Variants in PARN observed in about 807,000 individuals in gnomAD.
PARN encodes the protein poly(A)-specific ribonuclease PARN.
PARN carries 71 observed loss-of-function variants against 102.8 expected under a neutral mutation model. That is an observed-to-expected ratio of 0.69 (90% confidence interval 0.57 to 0.84). The LOEUF (loss-of-function observed/expected upper bound fraction) is 0.84, where lower values mean the gene tolerates loss of function less well. Among genes scored for constraint, PARN ranks in the 40% least tolerant of loss-of-function variants. The pLI is 0.00. For missense variants in PARN, 782 were observed against 760.9 expected (o/e 1.03, Z -0.33); for synonymous variants, 261 against 252.9 (o/e 1.03, Z -0.30).
chr16:14,443,651 A>T (rs930951530), intron 23 of PARN, among the ~76,000 whole-genome samples: 2 of 152,186 alleles, frequency 1.3e-5, no homozygotes, highest in Admixed American at 6.5e-5. Context: ...ATTAAATTTT[A>T]AAAAATTTGT....
chr16:14,572,234 T>C (rs1169390264), intron 18 of PARN, among the ~76,000 whole-genome samples: 3 of 152,172 alleles, frequency 2.0e-5, no homozygotes, highest in Non-Finnish European at 4.4e-5. Flanking sequence ...AACAACCCAC[T>C]GCGACCCTGC....
chr16:14,626,547 T>G (rs1972676294), intron 5 of PARN, among the ~76,000 whole-genome samples: 1 of 152,088 alleles, frequency 6.6e-6, no homozygotes, highest in Admixed American at 6.6e-5. Flanking sequence ...AAATTCAGCT[T>G]TAGAATTACT....
intron 17 of PARN, among the ~76,000 whole-genome samples, chr16:14,581,917 G>A (rs79900382): frequency 0.014 from 2,149 of 152,236 alleles, 45 homozygotes; most frequent in African/African-American, 0.046. Context: ...AAAAAGAGGC[G>A]GCACAGCTTC....
At chr16:14,603,316 G>A (rs1970988581) in intron 11 of PARN, among the ~76,000 whole-genome samples, 1 of 152,142 alleles carries the variant, frequency 6.6e-6, no homozygotes, top group Non-Finnish European at 1.5e-5. Context: ...CTTTCCCTGT[G>A]TAGGTAATAT....
At chr16:14,585,980 C>CTTTTTTTTTTTTTTT (rs772896503) in intron 14 of PARN, among the ~76,000 whole-genome samples, 2 of 127,240 alleles carry the variant, frequency 1.6e-5, no homozygotes, top group Non-Finnish European at 1.7e-5. Context: ...CACAATGACT[C>CTTTTTTTTTTTTTTT]TTTTTTTTTT....
At chr16:14,484,515 T>C (rs1270551583) in intron 21 of PARN, among the ~76,000 whole-genome samples, 2 of 152,156 alleles carry the variant, frequency 1.3e-5, no homozygotes, top group African/African-American at 4.8e-5. Flanking sequence ...TACTTGCACC[T>C]AGAAAACCCC....
intron 18 of PARN, among the ~76,000 whole-genome samples, chr16:14,570,859 G>C (rs1332632570): frequency 6.6e-6 from 1 of 150,506 alleles, no homozygotes; most frequent in Admixed American, 6.6e-5. Flanking sequence ...ATGGTGGCAT[G>C]CGCCTTTGGT....
At chr16:14,600,937 AAAACAAAC>A (rs201942729) in intron 11 of PARN, among the ~76,000 whole-genome samples, 1 of 152,088 alleles carries the variant, frequency 6.6e-6, no homozygotes, top group Non-Finnish European at 1.5e-5. Flanking sequence ...TCCATCTCAA[AAAACAAAC>A]AAACAAACAA....
intron 2 of PARN, among the ~76,000 whole-genome samples, chr16:14,628,603 T>C (rs906332914): frequency 6.6e-6 from 1 of 152,246 alleles, no homozygotes; most frequent in Non-Finnish European, 1.5e-5. Flanking sequence ...AAGTATATTA[T>C]TGCCAGAGTT....
chr16:14,479,067 G>C (rs1963233966), intron 22 of PARN, among the ~76,000 whole-genome samples: 1 of 152,122 alleles, frequency 6.6e-6, no homozygotes, highest in African/African-American at 2.4e-5. Context: ...ACTATGCCCG[G>C]CAACAATGAA....
At chr16:14,470,723 G>T (rs539026301) in intron 22 of PARN, among the ~76,000 whole-genome samples, 2 of 151,998 alleles carry the variant, frequency 1.3e-5, no homozygotes, top group Non-Finnish European at 2.9e-5. Flanking sequence ...CATTCCAAAG[G>T]GCTGGGATTA....
At chr16:14,477,961 G>A (rs879071355) in intron 22 of PARN, among the ~76,000 whole-genome samples, 19 of 152,114 alleles carry the variant, frequency 1.2e-4, no homozygotes, top group Middle Eastern at 3.2e-3. Context: ...AGCCAAGTGG[G>A]ATTTCTTTTA....
intron 22 of PARN, among the ~76,000 whole-genome samples, chr16:14,465,485 T>C (rs955124044): frequency 6.6e-6 from 1 of 152,192 alleles, no homozygotes. Context: ...TTAACACTAA[T>C]AGCACAAAGG....
intron 7 of PARN, 51 bp downstream of exon 7, chr16:14,610,593 T>C: frequency 1.8e-6 from 2 of 1,135,616 alleles, no homozygotes; most frequent in Non-Finnish European, 2.7e-6. Flanking sequence ...ATGCCTGTCA[T>C]CCCCAATATA....
At chr16:14,628,003 G>A (rs989486968) in intron 3 of PARN, among the ~76,000 whole-genome samples, 169 bp downstream of exon 3, 1 of 151,942 alleles carries the variant, frequency 6.6e-6, no homozygotes, top group Non-Finnish European at 1.5e-5. Context: ...GCGAGACCTT[G>A]TCTCTAAAAC....
chr16:14,626,318 T>G (rs1462635641), intron 5 of PARN, among the ~76,000 whole-genome samples: 1 of 152,218 alleles, frequency 6.6e-6, no homozygotes, highest in Non-Finnish European at 1.5e-5. Context: ...ATTTTAATTT[T>G]TATTTTAAAA....
intron 23 of PARN, among the ~76,000 whole-genome samples, chr16:14,438,148 G>A (rs1040751473): frequency 6.6e-6 from 1 of 152,188 alleles, no homozygotes; most frequent in Non-Finnish European, 1.5e-5. Flanking sequence ...GTGAAGTACT[G>A]CAAGGGGCCT....
chr16:14,571,912 A>G (rs1968837502), intron 18 of PARN, among the ~76,000 whole-genome samples: 1 of 152,210 alleles, frequency 6.6e-6, no homozygotes, highest in African/African-American at 2.4e-5. Context: ...AAGTAAAGCA[A>G]TCCTACTGGA....
At chr16:14,591,647 C>A (rs1679198001) in intron 13 of PARN, among the ~76,000 whole-genome samples, 1 of 152,142 alleles carries the variant, frequency 6.6e-6, no homozygotes, top group African/African-American at 2.4e-5. Context: ...TGCCAACGTT[C>A]ATTTTAAAGG....
Sources: gnomAD v4.1 joint callset for allele counts (sites outside exome capture counted in the v4.1 genomes callset) on GRCh38, gnomAD v4.1.1 for gene constraint, MANE v1.5 for transcripts, NCBI Gene and HGNC (gene_info 2026-07-23, HGNC 2026-07-21) for gene names.